The following PLCB1 variants were observed in gnomAD, a reference collection of about 807,000 sequenced individuals.
PLCB1 encodes the protein phospholipase C beta 1.
A neutral mutation model predicts 161.8 loss-of-function variants in PLCB1; 46 were observed. The observed-to-expected ratio is 0.28, with a 90% confidence interval of 0.22 to 0.36. PLCB1 has a LOEUF of 0.36. Among genes scored for constraint, PLCB1 ranks in the 10% least tolerant of loss-of-function variants. The pLI is 1.00. For missense variants in PLCB1, 1,016 were observed against 1,472.5 expected (o/e 0.69, Z 5.07); for synonymous variants, 517 against 503.7 (o/e 1.03, Z -0.35).
intron 9 of PLCB1, among the ~76,000 whole-genome samples, chr20:8,665,956 T>C (rs777140528): frequency 2.6e-5 from 4 of 152,206 alleles, no homozygotes; most frequent in African/African-American, 4.8e-5. Context: ...GCTATTCCCA[T>C]GTCCCTTGGC....
At chr20:8,446,537 T>A (rs1648940129) in intron 3 of PLCB1, among the ~76,000 whole-genome samples, 1 of 152,126 alleles carries the variant, frequency 6.6e-6, no homozygotes. Flanking sequence ...CTATTCAACA[T>A]AGTGTTGGAA....
intron 12 of PLCB1, among the ~76,000 whole-genome samples, chr20:8,710,190 T>A (rs1170981259): frequency 6.6e-6 from 1 of 152,114 alleles, no homozygotes; most frequent in Non-Finnish European, 1.5e-5. Flanking sequence ...AGAGAGCTTT[T>A]TACTCACGGG....
intron 3 of PLCB1, among the ~76,000 whole-genome samples, chr20:8,568,173 C>T (rs1464363733): frequency 6.6e-6 from 1 of 152,082 alleles, no homozygotes; most frequent in Admixed American, 6.6e-5. Context: ...TTCAAACAGC[C>T]CAAACCAAAT....
At chr20:8,844,380 A>G (rs1986614092) in intron 31 of PLCB1, among the ~76,000 whole-genome samples, 1 of 152,196 alleles carries the variant, frequency 6.6e-6, no homozygotes, top group South Asian at 2.1e-4. Context: ...AAACAAGCTG[A>G]AAAGTCATCG....
At chr20:8,414,377 G>A (rs1277251267) in intron 3 of PLCB1, among the ~76,000 whole-genome samples, 1 of 152,106 alleles carries the variant, frequency 6.6e-6, no homozygotes, top group Non-Finnish European at 1.5e-5. Context: ...CAAAAACTTG[G>A]AAATAAGATT....
chr20:8,809,075 C>G (rs1984682784), intron 31 of PLCB1, among the ~76,000 whole-genome samples: 1 of 152,154 alleles, frequency 6.6e-6, no homozygotes, highest in African/African-American at 2.4e-5. Context: ...TGGCTCACTG[C>G]AGCCTCAATT....
intron 2 of PLCB1, among the ~76,000 whole-genome samples, chr20:8,182,726 G>A (rs1393653232): frequency 4.0e-5 from 6 of 151,568 alleles, no homozygotes; most frequent in African/African-American, 7.3e-5. Flanking sequence ...GATTACAGGC[G>A]CCCGCAACCA....
rs1376472406 is a variant in PLCB1 at position 8,884,291 on chromosome 20, G to C, written c.*2442G>C. 1 of 152,342 alleles carries C rather than the reference G, an allele frequency of 6.6e-6. No individual in the cohort carries two copies. The highest frequency in any genetic ancestry group is 1.5e-5 in the Non-Finnish European group (1 of 67,984). The allele number at this position is 152,342 out of a possible 1,614,324, so 9.4% of individuals were successfully genotyped here. The stretch of plus-strand genomic sequence containing the variant: ...GAAATAGACTAAGATAAAGAAAAGG[G>C]GTCTGTATGATGTGCAGTTTTGTGC... On this transcript the variant is annotated 3_prime_UTR_variant, in exon 32 of 32. Coordinates refer to ENST00000338037, the MANE Select transcript of PLCB1 (RefSeq NM_015192.4).
intron 3 of PLCB1, among the ~76,000 whole-genome samples, chr20:8,506,611 G>C (rs1983647278): frequency 6.6e-6 from 1 of 152,126 alleles, no homozygotes; most frequent in African/African-American, 2.4e-5. Flanking sequence ...ATTTCCATTT[G>C]TTGGTTGATT....
chr20:8,185,653 G>A (rs530568670), intron 2 of PLCB1, among the ~76,000 whole-genome samples: 1 of 151,764 alleles, frequency 6.6e-6, no homozygotes, highest in Non-Finnish European at 1.5e-5. Context: ...TGTGAGAGGG[G>A]ACAGGAGAGG....
At chr20:8,856,747 T>C (rs563244457) in intron 31 of PLCB1, among the ~76,000 whole-genome samples, 75 of 152,290 alleles carry the variant, frequency 4.9e-4, no homozygotes, top group African/African-American at 1.7e-3. Context: ...AGGTGGCAGG[T>C]AGAGGTCTTA....
At chr20:8,205,894 C>T (rs1978500751) in intron 2 of PLCB1, among the ~76,000 whole-genome samples, 1 of 151,866 alleles carries the variant, frequency 6.6e-6, no homozygotes, top group African/African-American at 2.4e-5. Context: ...ATTAAGTTTA[C>T]TTTTGTGTAT....
chr20:8,779,100 A>G (rs1362314984), intron 27 of PLCB1, among the ~76,000 whole-genome samples: 2 of 152,174 alleles, frequency 1.3e-5, no homozygotes, highest in African/African-American at 4.8e-5. Context: ...ACAGTATTTC[A>G]TCTCCCAAAA....
intron 4 of PLCB1, among the ~76,000 whole-genome samples, chr20:8,636,318 C>T (rs1452666511): frequency 2.0e-5 from 3 of 152,088 alleles, no homozygotes; most frequent in African/African-American, 7.2e-5. Context: ...TTCTTCCACC[C>T]AATCATAAAA....
chr20:8,622,881 T>C (rs1988223692), intron 3 of PLCB1, among the ~76,000 whole-genome samples: 1 of 152,086 alleles, frequency 6.6e-6, no homozygotes. Context: ...GCCATTACTT[T>C]TGCACCAACC....
intron 3 of PLCB1, among the ~76,000 whole-genome samples, chr20:8,605,128 C>T (rs1206772767): frequency 1.3e-5 from 2 of 151,226 alleles, no homozygotes; most frequent in African/African-American, 4.8e-5. Context: ...TCGTAAAATA[C>T]ATTAAAAAAA....
chr20:8,776,330 T>G (rs1982942413), intron 27 of PLCB1, among the ~76,000 whole-genome samples: 1 of 152,236 alleles, frequency 6.6e-6, no homozygotes, highest in African/African-American at 2.4e-5. Flanking sequence ...ATTTGGGATT[T>G]GAACCTTGGT....
intron 2 of PLCB1, among the ~76,000 whole-genome samples, chr20:8,203,734 A>G (rs997082547): frequency 6.6e-6 from 1 of 152,204 alleles, no homozygotes; most frequent in African/African-American, 2.4e-5. Flanking sequence ...AGGACACTTT[A>G]TTGAAAATTA....
chr20:8,780,200 C>A (rs971423728), intron 27 of PLCB1, among the ~76,000 whole-genome samples: 1 of 152,102 alleles, frequency 6.6e-6, no homozygotes, highest in African/African-American at 2.4e-5. Flanking sequence ...CGTGGAAATT[C>A]TTAGGGATTT....
Sources: gnomAD v4.1 joint callset for allele counts (sites outside exome capture counted in the v4.1 genomes callset) on GRCh38, gnomAD v4.1.1 for gene constraint, MANE v1.5 for transcripts, NCBI Gene and HGNC (gene_info 2026-07-23, HGNC 2026-07-21) for gene names.